The following PI4K2A variants were observed in gnomAD, a reference collection of about 807,000 sequenced individuals.
PI4K2A encodes phosphatidylinositol 4-kinase type 2 alpha, also known as phosphatidylinositol 4-kinase type 2-alpha.
PI4K2A carries 20 observed loss-of-function variants against 55.0 expected under a neutral mutation model. The ratio of observed to expected loss-of-function variants is 0.36; its 90% CI spans 0.26 to 0.53. The LOEUF (loss-of-function observed/expected upper bound fraction) is 0.53. Ranked by LOEUF, PI4K2A falls within the 20% of genes least tolerant of loss-of-function variation. The pLI is 0.91. For missense variants in PI4K2A, 463 were observed against 637.1 expected, an observed-to-expected ratio of 0.73 and a Z score of 2.94; for synonymous variants, 235 against 258.5, an observed-to-expected ratio of 0.91 and a Z score of 0.87.
Position 97,655,390 on chromosome 10 carries a change from A to T in PI4K2A, c.637-895A>T, listed in dbSNP as rs145492520. Among the ~76,000 whole-genome samples, 154 of 141,654 alleles carry T rather than the reference A, an allele frequency of 1.1e-3. No individual in the cohort carries two copies. In the East Asian group the frequency reaches 0.016, roughly 15 times the overall value. The allele number at this position is 141,654 out of a possible 152,430, so 92.9% of individuals were successfully genotyped here. On this transcript the variant is annotated intron_variant, in intron 2 of 8. Coordinates refer to ENST00000370631, the Ensembl canonical transcript of PI4K2A. ...GTCTCAAAAAAAAAAAAAAAAAAAA[A>T]TTTTTTTTCAAAAGGAAATGAAGGG...
rs201296669 is a variant in PI4K2A at position 97,656,909 on chromosome 10, C to G, written c.857C>G (p.Thr286Ser). The G allele has an allele frequency of 6.2e-7, 1 of 1,614,130 alleles. No individual in the cohort carries two copies. The highest frequency in any genetic ancestry group is 2.2e-5 in the East Asian group (1 of 44,878). ...GAAGCAGAACCTCTTCCTGAGAACA[C>G]TAACCGGCAACTACTGCTCCAGTTT... Residue 286 changes from threonine to serine, a missense_variant, in exon 4 of 9, where the codon ACT becomes AGT. Transcript: ENST00000370631. This position sits in a 1 kb window ranked among gnomAD's most constrained non-coding sequence, Gnocchi z 4.5.
intron 1 of PI4K2A, among the ~76,000 whole-genome samples, chr10:97,648,510 A>C (rs1479937051): frequency 6.6e-6 from 1 of 152,192 alleles, no homozygotes; most frequent in Admixed American, 6.5e-5. Context: ...ACCATGCCCA[A>C]CTTTTTCTGT....
At chr10:97,665,048 T>G (rs780881713) in intron 6 of PI4K2A, 64 bp downstream of exon 6, 13 of 970,568 alleles carry the variant, frequency 1.3e-5, no homozygotes, top group Non-Finnish European at 2.0e-5. Flanking sequence ...CACTGTGCAG[T>G]GGAGATGATA....
At chr10:97,650,895 T>C in intron 1 of PI4K2A, 46 bp from the exon 2 acceptor site, 2 of 1,431,058 alleles carry the variant, frequency 1.4e-6, no homozygotes, top group Non-Finnish European at 2.0e-6. Flanking sequence ...GTGGGCTATT[T>C]TGGTCAACTC....
At position 97,666,533 on chromosome 10, in the gene PI4K2A, G is replaced by A. The variant is rs149627559; in HGVS notation, c.1180G>A (p.Val394Ile). Residue 394 changes from valine to isoleucine, a missense_variant, in exon 7 of 9, where the codon GTC becomes ATC. By Grantham distance (29) the Val-to-Ile change is conservative. Around this residue, in one of 2 missense-constraint regions of PI4K2A, gnomAD observed 277 missense variants for 432.6 expected, o/e 0.64. Coordinates refer to ENST00000370631, the Ensembl canonical transcript of PI4K2A. ...TCCAAAGATATCGGACCCTAACTTC[G>A]TCAAGGACTTGGAAGAGGACCTATA... The A allele has an allele frequency of 7.1e-4, 1,139 of 1,613,718 alleles. 1 individual carries two copies. The highest frequency in any genetic ancestry group is 8.6e-4 in the Non-Finnish European group (1,009 of 1,179,780).
At position 97,650,278 on chromosome 10, in the gene PI4K2A, C is replaced by CTTTTTTTTTTTTTTT. The variant is rs71007356; in HGVS notation, c.436-661_436-647dup. On this transcript the variant is annotated intron_variant, in intron 1 of 8. Transcript: ENST00000370631. ...TCTACCACTGAATTGGCTTCTGTAC[C>CTTTTTTTTTTTTTTT]TTTTTTTTTTTTTTTTGTGAGACAG... Among the ~76,000 whole-genome samples the CTTTTTTTTTTTTTTT allele has an allele frequency of 4.6e-5, 5 of 108,070 alleles. 1 individual carries two copies. Among genetic ancestry groups the CTTTTTTTTTTTTTTT allele is most frequent in the African/African-American group, 1.7e-4 (4 of 24,112 alleles). 70.9% of individuals were successfully genotyped at this position (108,070 alleles called of 152,430 possible).
At chr10:97,661,794 C>T (rs2041585500) in intron 4 of PI4K2A, among the ~76,000 whole-genome samples, 1 of 150,456 alleles carries the variant, frequency 6.6e-6, no homozygotes, top group African/African-American at 2.4e-5. Context: ...CCCCAATTCT[C>T]TGTGTTTCCT....
At chr10:97,663,833 A>T (rs1251345134) in intron 5 of PI4K2A, among the ~76,000 whole-genome samples, 1 of 150,814 alleles carries the variant, frequency 6.6e-6, no homozygotes, top group Non-Finnish European at 1.5e-5. Flanking sequence ...AATTAAAAAA[A>T]AAAAAAAAAA....
chr10:97,655,071 T>TA (rs1019505192), intron 2 of PI4K2A, among the ~76,000 whole-genome samples: 24 of 151,894 alleles, frequency 1.6e-4, no homozygotes, highest in African/African-American at 5.8e-4. Flanking sequence ...TTTCACAAAG[T>TA]AAAAAAATTC....
At chr10:97,655,767 G>A (rs575998923) in intron 2 of PI4K2A, among the ~76,000 whole-genome samples, 89 of 152,172 alleles carry the variant, frequency 5.8e-4, no homozygotes, top group Admixed American at 4.6e-4. Flanking sequence ...TAGAGACGGG[G>A]TTTAACCATG....
intron 2 of PI4K2A, among the ~76,000 whole-genome samples, chr10:97,654,124 C>T (rs2135755692): frequency 6.6e-6 from 1 of 152,332 alleles, no homozygotes; most frequent in African/African-American, 2.4e-5. Context: ...GGCTCTAATT[C>T]TCACTCACTG....
chr10:97,676,086 C>A (rs1041312537), exon 9 of PI4K2A: 4 of 152,430 alleles, frequency 2.6e-5, no homozygotes, highest in Non-Finnish European at 5.9e-5. Context: ...GGAAGGAAGA[C>A]AAAGAAGGTA....
rs375417784 is a variant in PI4K2A at position 97,673,595 on chromosome 10, C to T, written c.1293C>T (p.Thr431=). The change falls in exon 9 of 9, where the codon ACC becomes ACT. Residue 431 remains threonine, a synonymous_variant. Transcript: ENST00000370631. ...TCCCACTGCAGATCTTAAATCTGAC[C>T]CAGGCCTTGAAAGACAACAAGAGTC... The T allele has an allele frequency of 2.3e-5, 37 of 1,613,886 alleles. No homozygotes were observed. In the South Asian group the frequency reaches 3.4e-4, roughly 15 times the overall value.
intron 4 of PI4K2A, among the ~76,000 whole-genome samples, chr10:97,658,810 G>C (rs548374528): frequency 6.6e-6 from 1 of 152,218 alleles, no homozygotes; most frequent in East Asian, 1.9e-4. Context: ...GTTTTGATTT[G>C]CATTTCCTTA....
intron 2 of PI4K2A, among the ~76,000 whole-genome samples, chr10:97,652,073 G>T (rs1393048615): frequency 6.6e-6 from 1 of 151,958 alleles, no homozygotes; most frequent in Non-Finnish European, 1.5e-5. Context: ...AGTTTATTTA[G>T]TTATTTACTA....
At chr10:97,662,046 G>T (rs758779736) in intron 4 of PI4K2A, among the ~76,000 whole-genome samples, 8 of 151,474 alleles carry the variant, frequency 5.3e-5, no homozygotes, top group Admixed American at 1.3e-4. Flanking sequence ...TTAGACATGG[G>T]GTCTCGCTAT....
chr10:97,641,187 G>C lies in PI4K2A; in HGVS notation c.435+10G>C. ...CAAGGACCCTCAGGGGGTGAGTGCGGGGGTGGGGACCGCCGCCGCGGGCTG... is the reference window on the plus strand; with the variant it reads ...CAAGGACCCTCAGGGGGTGAGTGCGCGGGTGGGGACCGCCGCCGCGGGCTG... On this transcript the variant is annotated intron_variant, in intron 1 of 8. Transcript: ENST00000370631. 1 of 1,593,396 alleles carries C rather than the reference G, an allele frequency of 6.3e-7. No homozygotes were observed. Among genetic ancestry groups the C allele is most frequent in the South Asian group, 1.1e-5 (1 of 89,208 alleles).
chr10:97,676,002 G>A (rs928607165), exon 9 of PI4K2A: 4 of 152,650 alleles, frequency 2.6e-5, no homozygotes, highest in Admixed American at 2.0e-4. Flanking sequence ...GAAATTGTAC[G>A]TAATGTATTT....
Position 97,672,722 on chromosome 10 carries a change from G to GTTTTTT in PI4K2A, c.1279-857_1279-856insTTTTTT, listed in dbSNP as rs201709914. Reference sequence around the variant, plus strand: ...ATGGAATTGCCGAGTCAGAGGGTCTGTTCTTTTTTTTTTTTTTTTTTTTTT... The same window carrying GTTTTTT: ...ATGGAATTGCCGAGTCAGAGGGTCTGTTTTTTTTCTTTTTTTTTTTTTTTTTTTTTT... On this transcript the variant is annotated intron_variant, in intron 8 of 8. Transcript: ENST00000370631. Among the ~76,000 whole-genome samples the GTTTTTT allele has an allele frequency of 4.7e-3, 446 of 94,564 alleles. 39 individuals are homozygous for GTTTTTT. The highest frequency in any genetic ancestry group is 0.012 in the South Asian group (37 of 3,174). The allele number at this position is 94,564 out of a possible 152,430, so 62.0% of individuals were successfully genotyped here.
Sources: gnomAD v4.1 joint callset for allele counts (sites outside exome capture counted in the v4.1 genomes callset) on GRCh38, gnomAD v4.1.1 for gene constraint, gnomAD v4.1.1 regional missense constraint, Gnocchi (gnomAD v3.1) non-coding constraint, MANE v1.5 for transcripts, NCBI Gene and HGNC (gene_info 2026-07-23, HGNC 2026-07-21) for gene names.